The following VAV3 variants were observed in gnomAD, a reference collection of about 807,000 sequenced individuals.
The protein encoded by VAV3 is guanine nucleotide exchange factor VAV3.
In VAV3, 94 loss-of-function variants were observed where a neutral mutation model predicts 131.2. That is an observed-to-expected ratio of 0.72 (90% CI 0.61 to 0.85). The LOEUF (loss-of-function observed/expected upper bound fraction) is 0.85, where lower values mean the gene tolerates loss of function less well. Ranked by LOEUF, VAV3 falls within the 40% of genes least tolerant of loss-of-function variation. The pLI, the probability that VAV3 is intolerant of heterozygous loss-of-function variation, is 0.00. For missense variants in VAV3, 939 were observed against 1,002.7 expected (o/e 0.94, Z 0.86); for synonymous variants, 349 against 342.0 (o/e 1.02, Z -0.22).
chr1:107,638,228 G>A (rs1034057756), intron 20 of VAV3, among the ~76,000 whole-genome samples: 20 of 152,058 alleles, frequency 1.3e-4, no homozygotes, highest in Non-Finnish European at 2.8e-4. Flanking sequence ...TCAAGAAAAA[G>A]AAATAAAAGG....
chr1:107,587,987 T>C (rs891864245), intron 25 of VAV3, among the ~76,000 whole-genome samples: 1 of 152,210 alleles, frequency 6.6e-6, no homozygotes, highest in Non-Finnish European at 1.5e-5. Flanking sequence ...AGATCATAAG[T>C]ACTGCTCTGA....
intron 5 of VAV3, 94 bp from the exon 6 acceptor site, chr1:107,770,822 A>G (rs1665001005): frequency 9.8e-7 from 1 of 1,017,746 alleles, no homozygotes; most frequent in Non-Finnish European, 1.5e-6. Flanking sequence ...ACTTTCTTAA[A>G]CTTTCCTTTC....
At chr1:107,787,657 T>C (rs1447717370) in intron 2 of VAV3, among the ~76,000 whole-genome samples, 3 of 152,242 alleles carry the variant, frequency 2.0e-5, no homozygotes, top group Non-Finnish European at 4.4e-5. Context: ...ACTTGTGTAT[T>C]CTAAGTAGAT....
chr1:107,588,552 A>T (rs966122889), intron 25 of VAV3, among the ~76,000 whole-genome samples: 8 of 152,212 alleles, frequency 5.3e-5, no homozygotes, highest in Admixed American at 1.3e-4. Context: ...AGTATTTCAC[A>T]CCTACTAACT....
At chr1:107,834,298 C>T (rs1334484887) in intron 2 of VAV3, among the ~76,000 whole-genome samples, 2 of 152,152 alleles carry the variant, frequency 1.3e-5, no homozygotes, top group African/African-American at 4.8e-5. Flanking sequence ...TACCCAATGT[C>T]TCTGCTGTTG....
chr1:107,573,501 G>A (rs2100973677), intron 26 of VAV3, 129 bp from the exon 27 acceptor site: 1 of 1,074,976 alleles, frequency 9.3e-7, no homozygotes, highest in East Asian at 2.6e-5. Context: ...TTGTAGGTGA[G>A]AAGATTGGTT....
chr1:107,813,966 CAGTGTGTG>C (rs1667442760), intron 2 of VAV3, among the ~76,000 whole-genome samples: 2 of 85,806 alleles, frequency 2.3e-5, no homozygotes, highest in African/African-American at 8.4e-5. Flanking sequence ...AATAGTACTC[CAGTGTGTG>C]TGTGTGTGTG....
At chr1:107,919,907 TA>T (rs1305657405) in intron 1 of VAV3, among the ~76,000 whole-genome samples, 1 of 151,802 alleles carries the variant, frequency 6.6e-6, no homozygotes, top group Admixed American at 6.6e-5. Flanking sequence ...AAAGGTAACT[TA>T]AAAAAAATGA....
intron 15 of VAV3, among the ~76,000 whole-genome samples, chr1:107,748,367 A>C (rs1255933815): frequency 6.6e-6 from 1 of 152,196 alleles, no homozygotes; most frequent in Non-Finnish European, 1.5e-5. Flanking sequence ...TACGTCTCAG[A>C]ATGCCATTCC....
At chr1:107,893,059 G>T (rs894894433) in intron 1 of VAV3, among the ~76,000 whole-genome samples, 3 of 145,174 alleles carry the variant, frequency 2.1e-5, no homozygotes, top group Non-Finnish European at 4.6e-5. Flanking sequence ...AATATACACA[G>T]AGTAAAAAAC....
At chr1:107,689,966 T>G (rs906173620) in intron 17 of VAV3, among the ~76,000 whole-genome samples, 1 of 152,082 alleles carries the variant, frequency 6.6e-6, no homozygotes, top group Admixed American at 6.6e-5. Flanking sequence ...TACTGGTGAG[T>G]TAGAGCCTGA....
At chr1:107,710,115 A>G (rs1445145163) in intron 15 of VAV3, among the ~76,000 whole-genome samples, 2 of 152,180 alleles carry the variant, frequency 1.3e-5, no homozygotes, top group Non-Finnish European at 2.9e-5. Flanking sequence ...TCATTTTAGT[A>G]ATATAGTTAT....
intron 2 of VAV3, among the ~76,000 whole-genome samples, chr1:107,873,886 G>A (rs1335295691): frequency 1.3e-5 from 2 of 152,052 alleles, no homozygotes; most frequent in Admixed American, 6.6e-5. Context: ...CAGGTAGAGT[G>A]GCTTCCCCAT....
At position 107,816,645 on chromosome 1, in the gene VAV3, C is replaced by A. The variant is rs796833006; in HGVS notation, c.322-37153G>T. ...TTGTCTCTTGACTCATTTATTTTTG[C>A]TAGGAGTTATAAGAACTTTAACCTG... On this transcript the variant is annotated intron_variant, in intron 2 of 26. Coordinates refer to ENST00000370056, the MANE Select transcript of VAV3 (RefSeq NM_006113.5). 2.5e-4 allele frequency among the ~76,000 whole-genome samples: 38 copies of A among 152,188 alleles called. 1 individual carries two copies. The highest frequency in any genetic ancestry group is 8.4e-4 in the African/African-American group (35 of 41,516).
intron 2 of VAV3, among the ~76,000 whole-genome samples, chr1:107,783,366 G>A (rs931969795): frequency 2.0e-5 from 3 of 152,204 alleles, no homozygotes; most frequent in Admixed American, 6.5e-5. Flanking sequence ...CAAGTGAGAG[G>A]TGAGGCACTG....
At chr1:107,934,182 A>G (rs527346195) in intron 1 of VAV3, among the ~76,000 whole-genome samples, 2 of 152,344 alleles carry the variant, frequency 1.3e-5, no homozygotes, top group African/African-American at 4.8e-5. Context: ...TTAAATAATT[A>G]TATCCTTTAG....
At chr1:107,789,582 A>T (rs944833300) in intron 2 of VAV3, among the ~76,000 whole-genome samples, 1 of 152,174 alleles carries the variant, frequency 6.6e-6, no homozygotes, top group African/African-American at 2.4e-5. Context: ...ACACTGCTTG[A>T]AAGTGTTCAT....
chr1:107,718,254 A>G (rs189165039), intron 15 of VAV3, among the ~76,000 whole-genome samples: 124 of 152,316 alleles, frequency 8.1e-4, no homozygotes, highest in African/African-American at 2.9e-3. Flanking sequence ...TTAGGAAAAG[A>G]GGAAATCAGT....
chr1:107,963,722 C>T (rs1675260548), intron 1 of VAV3: 1 of 151,880 alleles, frequency 6.6e-6, no homozygotes, highest in South Asian at 2.1e-4. Context: ...TGTCCTCTCC[C>T]TTTTAAGTTG....
Sources: gnomAD v4.1 joint callset for allele counts (sites outside exome capture counted in the v4.1 genomes callset) on GRCh38, gnomAD v4.1.1 for gene constraint, MANE v1.5 for transcripts, NCBI Gene and HGNC (gene_info 2026-07-23, HGNC 2026-07-21) for gene names.